The following TMEM70 variants were observed in gnomAD, a reference collection of about 807,000 sequenced individuals.
TMEM70 encodes transmembrane protein 70, mitochondrial.
In TMEM70, 15 loss-of-function variants were observed where a neutral mutation model predicts 20.5. That is an observed-to-expected ratio of 0.73 (90% CI 0.49 to 1.13). The LOEUF is 1.13. Among genes scored for constraint, TMEM70 ranks in the 50% most tolerant of loss-of-function variants. TMEM70 has a pLI of 0.00. For missense variants in TMEM70, 344 were observed against 331.7 expected (o/e 1.04, Z -0.29); for synonymous variants, 141 against 134.2 (o/e 1.05, Z -0.35).
At position 73,981,259 on chromosome 8, in the gene TMEM70, C is replaced by A; in HGVS notation, c.421C>A (p.Gln141Lys). ...TTCTGAAAGTGTGCCTCTGCCTATT[C>A]AAATCATATTCTATGGCATCATGGG... ...AISESVPLPI[Q>K]IIFYGIMGSF... The change falls in exon 3 of 3, where the codon CAA becomes AAA. Residue 141 changes from glutamine (Q) to lysine (K), a missense_variant. Physicochemically the swap from Gln to Lys is moderately conservative, Grantham distance 53. Coordinates refer to ENST00000312184, the MANE Select transcript of TMEM70 (RefSeq NM_017866.6). The A allele has an allele frequency of 6.2e-7, 1 of 1,614,040 alleles. No individual in the cohort carries two copies. Among genetic ancestry groups the A allele is most frequent in the Non-Finnish European group, 8.5e-7 (1 of 1,180,010 alleles).
At position 73,981,892 on chromosome 8, in the gene TMEM70, C is replaced by T; in HGVS notation, c.*271C>T. 1.8e-6 allele frequency: 1 copy of T among 564,182 alleles called. No homozygotes were observed. Among genetic ancestry groups the T allele is most frequent in the South Asian group, 1.5e-5 (1 of 65,504 alleles). The allele number at this position is 564,182 out of a possible 1,614,324, so 34.9% of individuals were successfully genotyped here. A position where few individuals can be genotyped will look rare whatever the true frequency, so the allele number is the denominator to read the frequency against. On this transcript the variant is annotated 3_prime_UTR_variant, in exon 3 of 3. Coordinates refer to ENST00000312184, the MANE Select transcript of TMEM70 (RefSeq NM_017866.6). ...CTGTGTTACTGTGGTTGACTCTAAA[C>T]TGGGGATCTGATGTCAGTAGCAAAT...
In TMEM70 at chr8:73,976,633, G is replaced by A. The variant is rs1435452417; in HGVS notation, c.210+142G>A. The A allele has an allele frequency of 2.7e-5, 22 of 822,064 alleles. No individual in the cohort carries two copies. The South Asian group carries it at 3.8e-4, about 14-fold the overall frequency. 50.9% of individuals were successfully genotyped at this position (822,064 alleles called of 1,614,324 possible). On this transcript the variant is annotated intron_variant, in intron 1 of 2. Transcript: ENST00000312184. ...GGGAGGAGCCCCCTCTGCGGGGCTT[G>A]CAGAAGTAGCAGGCCGAGGGCCCCG... is the stretch of plus-strand genomic sequence containing the variant.
In TMEM70 at chr8:73,982,570, G is replaced by C. The variant is rs1563701489; in HGVS notation, c.*949G>C. The C allele has an allele frequency of 2.0e-6, 1 of 496,836 alleles. No individual in the cohort carries two copies. Among genetic ancestry groups the C allele is most frequent in the Non-Finnish European group, 3.9e-6 (1 of 253,726 alleles). The allele number at this position is 496,836 out of a possible 1,614,324, so 30.8% of individuals were successfully genotyped here. A position where few individuals can be genotyped will look rare whatever the true frequency, so the allele number is the denominator to read the frequency against. Reference sequence around the variant, plus strand: ...TCACAAATTATGGGAGCAGTTTTAAGTCTTCTTTGGTTCAGAACACAGGTT... The same window carrying C: ...TCACAAATTATGGGAGCAGTTTTAACTCTTCTTTGGTTCAGAACACAGGTT... On this transcript the variant is annotated 3_prime_UTR_variant, in exon 3 of 3. Coordinates refer to ENST00000312184, the MANE Select transcript of TMEM70 (RefSeq NM_017866.6).
chr8:73,976,348 T>C lies in TMEM70; in HGVS notation c.67T>C (p.Leu23=), dbSNP rs1175563560. The C allele has an allele frequency of 6.3e-7, 1 of 1,599,958 alleles. No homozygotes were observed. The highest frequency in any genetic ancestry group is 1.3e-5 in the African/African-American group (1 of 75,008). The change falls in exon 1 of 3, where the codon TTG becomes CTG. Residue 23 remains leucine, a synonymous_variant. Transcript: ENST00000312184. The part of the protein sequence containing the change: ...ELPLCGRRTA[L]CAAAALRGPR... ...GCCTCTCTGCGGAAGGAGGACTGCA[T>C]TGTGTGCGGCCGCCGCGCTCCGAGG...
chr8:73,978,201 C>G (rs1239219929), intron 1 of TMEM70, among the ~76,000 whole-genome samples: 1 of 151,888 alleles, frequency 6.6e-6, no homozygotes, highest in Non-Finnish European at 1.5e-5. Flanking sequence ...ATTCTTCTGC[C>G]TCAGCCTCCG....
chr8:73,979,550 A>G (rs773248429), intron 2 of TMEM70, among the ~76,000 whole-genome samples: 3 of 152,200 alleles, frequency 2.0e-5, no homozygotes, highest in Non-Finnish European at 4.4e-5. Flanking sequence ...GTGGTTAGAT[A>G]AACATAAAAT....
At chr8:73,978,707 A>G in intron 1 of TMEM70, 49 bp from the exon 2 acceptor site, 1 of 1,600,744 alleles carries the variant, frequency 6.2e-7, no homozygotes, top group Non-Finnish European at 8.5e-7. Flanking sequence ...AAAAAAACTT[A>G]AAAAAATTTA....
At chr8:73,976,636 G>C in intron 1 of TMEM70, 145 bp downstream of exon 1, 2 of 817,110 alleles carry the variant, frequency 2.4e-6, no homozygotes, top group East Asian at 5.7e-5. Flanking sequence ...GGGGCTTGCA[G>C]AAGTAGCAGG....
At chr8:73,977,441 G>A (rs1815680785) in intron 1 of TMEM70, among the ~76,000 whole-genome samples, 1 of 152,096 alleles carries the variant, frequency 6.6e-6, no homozygotes, top group African/African-American at 2.4e-5. Context: ...TCCTGCCTCG[G>A]CCTGTCAAAG....
At chr8:73,979,705 C>T (rs981032793) in intron 2 of TMEM70, among the ~76,000 whole-genome samples, 3 of 151,744 alleles carry the variant, frequency 2.0e-5, no homozygotes, top group East Asian at 1.9e-4. Flanking sequence ...CTTGTGGGCT[C>T]GAGTGATCCT....
At chr8:73,977,205 G>C (rs1815672099) in intron 1 of TMEM70, among the ~76,000 whole-genome samples, 1 of 151,962 alleles carries the variant, frequency 6.6e-6, no homozygotes, top group Non-Finnish European at 1.5e-5. Context: ...TTTTGGAGGT[G>C]AAGTCTCGCT....
intron 1 of TMEM70, among the ~76,000 whole-genome samples, chr8:73,976,906 T>C (rs1319535812): frequency 6.6e-6 from 1 of 152,254 alleles, no homozygotes; most frequent in Non-Finnish European, 1.5e-5. Context: ...AGAATTACTT[T>C]GGTCCCTGGG....
Position 73,981,374 on chromosome 8 carries a change from A to G in TMEM70, c.536A>G (p.Tyr179Cys), listed in dbSNP as rs1206731443. 6.2e-7 allele frequency: 1 copy of G among 1,614,238 alleles called. No homozygotes were observed. The highest frequency in any genetic ancestry group is 1.1e-5 in the South Asian group (1 of 91,088). ...TACCATGAGGCCACAACAGACACTT[A>G]TAAAGCCATTACCTACAATGCTATG... ...RLYHEATTDT[Y>C]KAITYNAMLA... The change falls in exon 3 of 3, where the codon TAT becomes TGT. Residue 179 changes from tyrosine to cysteine, a missense_variant. Transcript: ENST00000312184.
chr8:73,976,398 G>A lies in TMEM70; in HGVS notation c.117G>A (p.Ala39=), dbSNP rs774253391. ...LRGPRASVSR[A]SSSSGPSGPV... Reference sequence around the variant, plus strand: ...GTCCCCGGGCCTCTGTCTCCCGGGCGTCCTCCAGCAGCGGGCCTTCGGGGC... The same window carrying A: ...GTCCCCGGGCCTCTGTCTCCCGGGCATCCTCCAGCAGCGGGCCTTCGGGGC... The change falls in exon 1 of 3, where the codon GCG becomes GCA. Residue 39 remains alanine, a synonymous_variant. Coordinates refer to ENST00000312184, the MANE Select transcript of TMEM70 (RefSeq NM_017866.6). The A allele has an allele frequency of 8.2e-6, 13 of 1,589,112 alleles. No individual in the cohort carries two copies. The Admixed American group carries it at 2.1e-4, about 25-fold the overall frequency.
At chr8:73,978,650 A>C in intron 1 of TMEM70, 106 bp from the exon 2 acceptor site, 1 of 1,170,850 alleles carries the variant, frequency 8.5e-7, no homozygotes, top group South Asian at 1.3e-5. Flanking sequence ...CTGAGATCGC[A>C]CCACTGCCCT....
chr8:73,977,193 T>C (rs1815671846), intron 1 of TMEM70, among the ~76,000 whole-genome samples: 1 of 152,192 alleles, frequency 6.6e-6, no homozygotes, highest in South Asian at 2.1e-4. Flanking sequence ...TTATTTCTTT[T>C]TTTTTGGAGG....
intron 2 of TMEM70, 107 bp downstream of exon 2, chr8:73,978,968 C>A: frequency 7.5e-7 from 1 of 1,341,222 alleles, no homozygotes; most frequent in Non-Finnish European, 1.0e-6. Flanking sequence ...AATTACAAGA[C>A]GTAAGGAAAA....
chr8:73,981,864 G>A lies in TMEM70; in HGVS notation c.*243G>A. The A allele has an allele frequency of 5.0e-6, 3 of 602,740 alleles. No homozygotes were observed. The highest frequency in any genetic ancestry group is 9.2e-6 in the Non-Finnish European group (3 of 324,518). The allele number at this position is 602,740 out of a possible 1,614,324, so 37.3% of individuals were successfully genotyped here. A position where few individuals can be genotyped will look rare whatever the true frequency, so the allele number is the denominator to read the frequency against. ...TAAATATGTTCATGCTAGTATAAGA[G>A]TTCTGTGTTACTGTGGTTGACTCTA... On this transcript the variant is annotated 3_prime_UTR_variant, in exon 3 of 3. Coordinates refer to ENST00000312184, the MANE Select transcript of TMEM70 (RefSeq NM_017866.6).
In TMEM70 at chr8:73,982,629, A is replaced by T. The variant is rs1442235361; in HGVS notation, c.*1008A>T. On this transcript the variant is annotated 3_prime_UTR_variant, in exon 3 of 3. Transcript: ENST00000312184. Reference sequence around the variant, plus strand: ...ACCCCTGGCATGATTGCCCATAAGAACATACATGTACAGTTGAACTGGTGG... The same window carrying T: ...ACCCCTGGCATGATTGCCCATAAGATCATACATGTACAGTTGAACTGGTGG... 12 of 473,818 alleles carry T rather than the reference A, an allele frequency of 2.5e-5. No individual in the cohort carries two copies. In the Admixed American group the frequency reaches 2.5e-4, roughly 10 times the overall value. 29.4% of individuals were successfully genotyped at this position (473,818 alleles called of 1,614,324 possible).
Sources: allele counts gnomAD v4.1 joint callset (sites outside exome capture counted in the v4.1 genomes callset), GRCh38; gene constraint gnomAD v4.1.1; transcripts MANE v1.5; gene names NCBI Gene and HGNC (gene_info 2026-07-23, HGNC 2026-07-21).